SLC7A14: variants seen among roughly 807,000 people sequenced by gnomAD.
The protein encoded by SLC7A14 is gamma-aminobutyric acid transporter SLC7A14.
In SLC7A14, 37 loss-of-function variants were observed where a neutral mutation model predicts 60.2. The ratio of observed to expected loss-of-function variants is 0.61; its 90% CI spans 0.47 to 0.81. SLC7A14 has a LOEUF of 0.81. Among genes scored for constraint, SLC7A14 ranks in the 30% least tolerant of loss-of-function variants. The pLI is 0.00. For synonymous variants in SLC7A14, 399 were observed against 395.8 expected, an observed-to-expected ratio of 1.01 and a Z score of -0.10; for missense variants, 886 against 982.7, an observed-to-expected ratio of 0.90 and a Z score of 1.32.
At chr3:170,556,058 G>T (rs1441752060) in intron 1 of SLC7A14, among the ~76,000 whole-genome samples, 2 of 152,178 alleles carry the variant, frequency 1.3e-5, no homozygotes, top group Admixed American at 6.5e-5. Flanking sequence ...ACAAAGTTCT[G>T]CCCATAGTGG....
chr3:170,562,588 A>G (rs1325334736), intron 1 of SLC7A14, among the ~76,000 whole-genome samples: 1 of 152,100 alleles, frequency 6.6e-6, no homozygotes, highest in Non-Finnish European at 1.5e-5. Flanking sequence ...AATCACCACT[A>G]AAGAACTTAC....
chr3:170,476,062 C>A (rs116281155), intron 7 of SLC7A14, among the ~76,000 whole-genome samples: 1 of 152,306 alleles, frequency 6.6e-6, no homozygotes, highest in African/African-American at 2.4e-5. Flanking sequence ...TGCTGCTGGT[C>A]TGGGGTCACA....
intron 1 of SLC7A14, among the ~76,000 whole-genome samples, chr3:170,534,216 A>C (rs1265070484): frequency 6.6e-6 from 1 of 152,200 alleles, no homozygotes; most frequent in Non-Finnish European, 1.5e-5. Context: ...CCCAATCTGG[A>C]CTGGGAGTCT....
At chr3:170,555,118 A>G (rs1714452631) in intron 1 of SLC7A14, among the ~76,000 whole-genome samples, 1 of 151,970 alleles carries the variant, frequency 6.6e-6, no homozygotes, top group South Asian at 2.1e-4. Flanking sequence ...CAGTGAGCCA[A>G]GATCACACCA....
chr3:170,583,333 G>T (rs928862406), intron 1 of SLC7A14, among the ~76,000 whole-genome samples: 30 of 152,346 alleles, frequency 2.0e-4, no homozygotes, highest in African/African-American at 7.0e-4. Flanking sequence ...AGTAGGACCA[G>T]AGGGGAAAGA....
Position 170,480,645 on chromosome 3 carries a change from A to G in SLC7A14, c.1637T>C (p.Ile546Thr). 1 of 1,614,254 alleles carries G rather than the reference A, an allele frequency of 6.2e-7. No individual in the cohort carries two copies. The highest frequency in any genetic ancestry group is 8.5e-7 in the Non-Finnish European group (1 of 1,180,044). The change falls in exon 7 of 8, where the codon ATC becomes ACC. Residue 546 changes from isoleucine (I) to threonine (T), a missense_variant. Coordinates refer to ENST00000231706, the MANE Select transcript of SLC7A14 (RefSeq NM_020949.3). ...LIGPHYYTMR[I>T]RLGLPGKMDR... Reference sequence around the variant, plus strand: ...CATTTTGCCTGGAAGGCCCAGCCGGATTCTCATGGTGTAATAATGAGGCCC... The same window carrying G: ...CATTTTGCCTGGAAGGCCCAGCCGGGTTCTCATGGTGTAATAATGAGGCCC...
At chr3:170,533,351 C>T (rs1026508726) in intron 1 of SLC7A14, among the ~76,000 whole-genome samples, 2 of 152,170 alleles carry the variant, frequency 1.3e-5, no homozygotes, top group African/African-American at 4.8e-5. Flanking sequence ...GATGTGTGTC[C>T]CAGTAACTCT....
At chr3:170,471,519 TTAA>T (rs905034261) in intron 7 of SLC7A14, among the ~76,000 whole-genome samples, 1 of 152,232 alleles carries the variant, frequency 6.6e-6, no homozygotes, top group African/African-American at 2.4e-5. Context: ...TAATAATTTC[TTAA>T]TATTATCTGA....
chr3:170,560,932 C>T (rs1416181709), intron 1 of SLC7A14, among the ~76,000 whole-genome samples: 1 of 152,162 alleles, frequency 6.6e-6, no homozygotes, highest in African/African-American at 2.4e-5. Context: ...ACTTTAACCA[C>T]GAGTACTTAT....
chr3:170,530,577 TG>T (rs1219213730), intron 1 of SLC7A14, among the ~76,000 whole-genome samples: 1 of 152,210 alleles, frequency 6.6e-6, no homozygotes, highest in Non-Finnish European at 1.5e-5. Flanking sequence ...TTTAGTGCAG[TG>T]AGAAGCCCTT....
intron 2 of SLC7A14, chr3:170,502,696 T>A (rs1350232402): frequency 6.6e-6 from 1 of 152,204 alleles, no homozygotes; most frequent in African/African-American, 2.4e-5. Context: ...AGAGAGCAGG[T>A]TTCTTCTCAT....
chr3:170,464,726 C>A lies in SLC7A14; in HGVS notation c.*2329G>T, dbSNP rs1739679525. 6.6e-6 allele frequency: 1 copy of A among 152,164 alleles called. No individual in the cohort carries two copies. The allele number at this position is 152,164 out of a possible 1,614,324, so 9.4% of individuals were successfully genotyped here. ...CAGCAATGGTGTTAACCAAAGCATA[C>A]ATTTTCCATTCCCATCCTATAGAAA... On this transcript the variant is annotated 3_prime_UTR_variant, in exon 8 of 8. Coordinates refer to ENST00000231706, the MANE Select transcript of SLC7A14 (RefSeq NM_020949.3).
intron 1 of SLC7A14, among the ~76,000 whole-genome samples, chr3:170,528,876 T>C (rs560928578): frequency 2.6e-5 from 4 of 152,236 alleles, no homozygotes; most frequent in African/African-American, 9.6e-5. Flanking sequence ...GTTGAGGTCT[T>C]GTGGGGACAT....
At chr3:170,538,670 C>G (rs1713920864) in intron 1 of SLC7A14, among the ~76,000 whole-genome samples, 1 of 152,168 alleles carries the variant, frequency 6.6e-6, no homozygotes, top group African/African-American at 2.4e-5. Context: ...TATGGAGCAC[C>G]TAGTTAATGT....
At chr3:170,493,145 C>T (rs540760252) in intron 4 of SLC7A14, among the ~76,000 whole-genome samples, 18 of 152,262 alleles carry the variant, frequency 1.2e-4, no homozygotes, top group Admixed American at 2.0e-4. Context: ...AGGGAACACG[C>T]GTCCAGCAAT....
intron 4 of SLC7A14, among the ~76,000 whole-genome samples, chr3:170,495,388 C>T (rs149367196): frequency 3.3e-4 from 51 of 152,334 alleles, no homozygotes; most frequent in African/African-American, 1.2e-3. Context: ...TTCTCGGCTC[C>T]TTCTGGAATC....
chr3:170,496,551 T>G (rs1712402557), intron 4 of SLC7A14: 12 of 1,593,946 alleles, frequency 7.5e-6, no homozygotes, highest in Non-Finnish European at 1.0e-5. Context: ...GCTGCGTGAG[T>G]ACCAGGAGCT....
chr3:170,498,575 A>T (rs1252482897), intron 4 of SLC7A14, 92 bp downstream of exon 4: 6 of 1,149,068 alleles, frequency 5.2e-6, no homozygotes, highest in Non-Finnish European at 7.6e-6. Flanking sequence ...TATGGAACAG[A>T]ACAGCATTTT....
At chr3:170,533,213 C>T (rs1324156686) in intron 1 of SLC7A14, among the ~76,000 whole-genome samples, 3 of 152,184 alleles carry the variant, frequency 2.0e-5, no homozygotes, top group African/African-American at 4.8e-5. Flanking sequence ...TATGTTTGCA[C>T]CATAACTGGG....
Sources: allele counts gnomAD v4.1 joint callset (sites outside exome capture counted in the v4.1 genomes callset), GRCh38; gene constraint gnomAD v4.1.1; transcripts MANE v1.5; gene names NCBI Gene and HGNC (gene_info 2026-07-23, HGNC 2026-07-21).